The following RALGAPA1 variants were observed in gnomAD, a reference collection of about 807,000 sequenced individuals.
The protein encoded by RALGAPA1 is ral GTPase-activating protein subunit alpha-1.
In RALGAPA1, 52 loss-of-function variants were observed where a neutral mutation model predicts 269.6. That is an observed-to-expected ratio of 0.19 (90% CI 0.15 to 0.24). RALGAPA1 has a LOEUF of 0.24. RALGAPA1 is among the 10% of genes least tolerant of loss of function. The probability of loss-of-function intolerance (pLI) is 1.00; values close to 1 mark genes in which losing one functional copy is unlikely to be tolerated. For missense variants in RALGAPA1, 1,917 were observed against 3,013.9 expected (o/e 0.64, Z 8.52); for synonymous variants, 817 against 1,008.3 (o/e 0.81, Z 3.60).
At position 35,808,777 on chromosome 14, in the gene RALGAPA1, G is replaced by C; in HGVS notation, c.59C>G (p.Thr20Ser). Reference sequence around the variant, plus strand: ...GAGGCGAGTCAGTGCGTCCTTCTTGGTGTCTAGCACCTTCTGGGTGGACTT... The same window carrying C: ...GAGGCGAGTCAGTGCGTCCTTCTTGCTGTCTAGCACCTTCTGGGTGGACTT... ...VKKSTQKVLDTKKDALTRLKH... is the reference protein window; with the variant it reads ...VKKSTQKVLDSKKDALTRLKH... Residue 20 changes from threonine to serine, a missense_variant, in exon 1 of 42, where the codon ACC becomes AGC. Physicochemically the swap from Thr to Ser is moderately conservative, Grantham distance 58. Around this residue, in one of 11 missense-constraint regions of RALGAPA1, gnomAD observed 462 missense variants for 725.6 expected, o/e 0.64. Coordinates refer to ENST00000680220, the MANE Select transcript of RALGAPA1 (RefSeq NM_001346249.2). 3 of 1,613,456 alleles carry C rather than the reference G, an allele frequency of 1.9e-6. No homozygotes were observed. Among genetic ancestry groups the C allele is most frequent in the Non-Finnish European group, 1.7e-6 (2 of 1,179,798 alleles).
intron 1 of RALGAPA1, among the ~76,000 whole-genome samples, chr14:35,789,689 C>T (rs1432128480): frequency 2.6e-5 from 4 of 152,076 alleles, no homozygotes; most frequent in East Asian, 1.9e-4. Context: ...CTGTCTTCTA[C>T]GAAACTGGTC....
At chr14:35,745,763 CAAAAAAAAAAA>C (rs1157650791) in intron 10 of RALGAPA1, among the ~76,000 whole-genome samples, 2 of 33,138 alleles carry the variant, frequency 6.0e-5, no homozygotes, top group Non-Finnish European at 1.2e-4. Flanking sequence ...GACTCCATCT[CAAAAAAAAAAA>C]AAAAAAAAAA....
chr14:35,720,919 T>TA (rs1225484624), intron 16 of RALGAPA1, among the ~76,000 whole-genome samples: 2 of 152,046 alleles, frequency 1.3e-5, no homozygotes, highest in Admixed American at 1.3e-4. Flanking sequence ...ATCTCTCTTT[T>TA]AAAAAAAGCC....
chr14:35,547,099 A>C (rs2054529623), intron 41 of RALGAPA1, among the ~76,000 whole-genome samples: 1 of 152,176 alleles, frequency 6.6e-6, no homozygotes, highest in Non-Finnish European at 1.5e-5. Context: ...TATTAAAATT[A>C]GAGGATGGTT....
intron 39 of RALGAPA1, among the ~76,000 whole-genome samples, chr14:35,563,798 A>G (rs2056478118): frequency 6.6e-6 from 1 of 152,130 alleles, no homozygotes; most frequent in Admixed American, 6.5e-5. Flanking sequence ...CAGTTGGGTA[A>G]AATCATCTAA....
At chr14:35,623,999 C>A (rs1342582961) in intron 35 of RALGAPA1, among the ~76,000 whole-genome samples, 2 of 151,634 alleles carry the variant, frequency 1.3e-5, no homozygotes. Context: ...AGACAGGAGA[C>A]TGGCGTGAAC....
intron 36 of RALGAPA1, among the ~76,000 whole-genome samples, chr14:35,600,384 C>T (rs1457700899): frequency 6.6e-6 from 1 of 151,814 alleles, no homozygotes; most frequent in Non-Finnish European, 1.5e-5. Flanking sequence ...TTGCCTGCCA[C>T]CACACCTGGT....
chr14:35,547,374 T>C (rs558964164), intron 41 of RALGAPA1, among the ~76,000 whole-genome samples: 4 of 152,076 alleles, frequency 2.6e-5, no homozygotes, highest in African/African-American at 7.2e-5. Context: ...ACATGCAAAA[T>C]ATGGGGAGAA....
chr14:35,724,244 T>C (rs1160523888), intron 14 of RALGAPA1, among the ~76,000 whole-genome samples: 1 of 152,120 alleles, frequency 6.6e-6, no homozygotes, highest in African/African-American at 2.4e-5. Context: ...ATGATACATG[T>C]AGCTGGTTTT....
chr14:35,629,024 C>CA (rs1156674288), intron 33 of RALGAPA1, among the ~76,000 whole-genome samples: 1 of 152,004 alleles, frequency 6.6e-6, no homozygotes, highest in African/African-American at 2.4e-5. Flanking sequence ...GAAGGGAACA[C>CA]AGAGACAGTA....
chr14:35,741,554 C>A (rs1340445127), intron 11 of RALGAPA1, among the ~76,000 whole-genome samples: 1 of 152,080 alleles, frequency 6.6e-6, no homozygotes, highest in Non-Finnish European at 1.5e-5. Flanking sequence ...TGACTAAATT[C>A]CACTGATGAG....
At chr14:35,602,602 A>G (rs1050171174) in intron 36 of RALGAPA1, among the ~76,000 whole-genome samples, 1 of 152,164 alleles carries the variant, frequency 6.6e-6, no homozygotes, top group African/African-American at 2.4e-5. Context: ...TATTGGTCAT[A>G]TATCTTTTCT....
intron 30 of RALGAPA1, among the ~76,000 whole-genome samples, chr14:35,652,892 ATAG>A (rs1342607748): frequency 2.6e-5 from 4 of 152,206 alleles, no homozygotes; most frequent in African/African-American, 4.8e-5. Context: ...TTAAAAATGT[ATAG>A]GTATATATTT....
Position 35,627,659 on chromosome 14 carries a change from T to C in RALGAPA1, c.6288A>G (p.Ser2096=). 1 of 1,582,176 alleles carries C rather than the reference T, an allele frequency of 6.3e-7. No homozygotes were observed. Among genetic ancestry groups the C allele is most frequent in the Non-Finnish European group, 8.6e-7 (1 of 1,163,332 alleles). The change falls in exon 34 of 42, where the codon TCA becomes TCG. Residue 2096 remains serine, a synonymous_variant. Coordinates refer to ENST00000680220, the MANE Select transcript of RALGAPA1 (RefSeq NM_001346249.2). The stretch of plus-strand genomic sequence containing the variant: ...CTATGATTCTGACATTTGAATTGGC[T>C]GATGCAAGGCCAGCAGATAAACCTC... The part of the protein sequence containing the change: ...PGGGLSAGLA[S]ANSNVRIIVR...
At position 35,686,563 on chromosome 14, in the gene RALGAPA1, T is replaced by A; in HGVS notation, c.4056A>T (p.Arg1352=). 6.2e-7 allele frequency: 1 copy of A among 1,605,194 alleles called. No individual in the cohort carries two copies. Among genetic ancestry groups the A allele is most frequent in the Non-Finnish European group, 8.5e-7 (1 of 1,177,510 alleles). The change falls in exon 19 of 42, where the codon CGA becomes CGT. Residue 1352 remains arginine, a synonymous_variant. Coordinates refer to ENST00000680220, the MANE Select transcript of RALGAPA1 (RefSeq NM_001346249.2). ...PDLMDEFIAE[R]LRSGNASTMT... is the part of the protein sequence containing the mutation. ...TTACCGAGGCATTACCACTTCGAAG[T>A]CGTTCTGCTATAAACTCATCCATCA...
chr14:35,625,259 T>A, intron 35 of RALGAPA1, 102 bp downstream of exon 35: 5 of 593,346 alleles, frequency 8.4e-6, no homozygotes, highest in East Asian at 9.0e-5. Flanking sequence ...TATAAATCAA[T>A]AACACAGTAT....
chr14:35,584,316 T>G (rs1450083495), intron 37 of RALGAPA1, among the ~76,000 whole-genome samples: 1 of 151,982 alleles, frequency 6.6e-6, no homozygotes, highest in African/African-American at 2.4e-5. Context: ...CAAGCTGGAG[T>G]GCAGTGGTGC....
At chr14:35,804,201 G>A (rs911400336) in intron 1 of RALGAPA1, among the ~76,000 whole-genome samples, 2 of 152,018 alleles carry the variant, frequency 1.3e-5, no homozygotes, top group South Asian at 4.2e-4. Context: ...GGTGGACGTT[G>A]CAGTGAGCCA....
intron 35 of RALGAPA1, among the ~76,000 whole-genome samples, chr14:35,622,255 A>G (rs1009829879): frequency 5.9e-5 from 9 of 152,212 alleles, no homozygotes; most frequent in African/African-American, 1.9e-4. Flanking sequence ...TCAGCAAACT[A>G]TCACAAGGAT....
Sources: gnomAD v4.1 joint callset for allele counts (sites outside exome capture counted in the v4.1 genomes callset) on GRCh38, gnomAD v4.1.1 for gene constraint, gnomAD v4.1.1 regional missense constraint, MANE v1.5 for transcripts, NCBI Gene and HGNC (gene_info 2026-07-23, HGNC 2026-07-21) for gene names.